LRRC37A: variants seen among roughly 807,000 people sequenced by gnomAD.
LRRC37A encodes the protein leucine rich repeat containing 37A.
LRRC37A carries 3 observed loss-of-function variants against 35.4 expected under a neutral mutation model. The observed-to-expected ratio is 0.08, with a 90% CI of 0.04 to 0.22. The LOEUF (loss-of-function observed/expected upper bound fraction) is 0.22. LRRC37A is among the 10% of genes least tolerant of loss of function. The probability of loss-of-function intolerance (pLI) is 1.00; values close to 1 mark genes in which losing one functional copy is unlikely to be tolerated. For missense variants in LRRC37A, 67 were observed against 565.3 expected (o/e 0.12, Z 8.94); for synonymous variants, 23 against 215.0 (o/e 0.11, Z 7.81).
the LRRC37A span, among the ~76,000 whole-genome samples, chr17:46,261,216 AAT>A: frequency 0.067 from 8,782 of 131,096 alleles, no homozygotes; most frequent in Middle Eastern, 0.12. Flanking sequence ...TGGAAATAAA[AAT>A]TTTTTTTTAG....
chr17:46,259,054 A>C, the LRRC37A span, among the ~76,000 whole-genome samples: 3 of 12,300 alleles, frequency 2.4e-4, no homozygotes, highest in Non-Finnish European at 6.7e-4. Context: ...TTTTTTTTTT[A>C]CTAACCAGGG....
the LRRC37A span, among the ~76,000 whole-genome samples, chr17:46,260,769 A>C: frequency 6.6e-6 from 1 of 152,028 alleles, no homozygotes; most frequent in African/African-American, 2.4e-5. Flanking sequence ...GATTACAGGC[A>C]TGCGCCACCA....
At chr17:46,282,981 T>A in the LRRC37A span, among the ~76,000 whole-genome samples, 1 of 152,016 alleles carries the variant, frequency 6.6e-6, no homozygotes, top group African/African-American at 2.4e-5. Flanking sequence ...TAGTCGGGTG[T>A]GATGGCACGT....
At chr17:46,313,891 ATT>A (rs1371856066) in intron 5 of LRRC37A, among the ~76,000 whole-genome samples, 2 of 69,880 alleles carry the variant, frequency 2.9e-5, no homozygotes, top group African/African-American at 7.3e-5. Context: ...TAAAAAATTG[ATT>A]TGTCTTTTTA....
the LRRC37A span, among the ~76,000 whole-genome samples, chr17:46,262,036 G>A: frequency 6.6e-6 from 1 of 152,132 alleles, no homozygotes; most frequent in South Asian, 2.1e-4. Flanking sequence ...TGTAAACTCC[G>A]TCTCCCGAGT....
the LRRC37A span, among the ~76,000 whole-genome samples, chr17:46,258,044 CTGTAGTTCCTTACTGAAT>C: frequency 6.6e-6 from 1 of 152,130 alleles, no homozygotes; most frequent in Non-Finnish European, 1.5e-5. Flanking sequence ...TGTTGGCAGG[CTGTAGTTCCTTACTGAAT>C]ATTGGTTGAA....
chr17:46,283,335 A>C, the LRRC37A span, among the ~76,000 whole-genome samples: 3 of 152,242 alleles, frequency 2.0e-5, no homozygotes, highest in African/African-American at 7.2e-5. Flanking sequence ...TAACACCATA[A>C]TAATCTGGTG....
At position 46,314,456 on chromosome 17, in the gene LRRC37A, C is replaced by T. The variant is rs531861532; in HGVS notation, c.2907-7866C>T. On this transcript the variant is annotated intron_variant, in intron 5 of 13. Transcript: ENST00000320254. ...ATTTTGCACATAGATGTTCAGGTGA[C>T]GCCATTGCACTCAAGCCTGGGCAAC... 1.1e-4 allele frequency among the ~76,000 whole-genome samples: 9 copies of T among 81,236 alleles called. 3 individuals are homozygous for T. Among genetic ancestry groups the T allele is most frequent in the Non-Finnish European group, 2.8e-4 (8 of 28,388 alleles). The allele number at this position is 81,236 out of a possible 152,430, so 53.3% of individuals were successfully genotyped here.
the LRRC37A span, among the ~76,000 whole-genome samples, chr17:46,250,823 G>GTCT: frequency 6.6e-6 from 1 of 152,212 alleles, no homozygotes; most frequent in African/African-American, 2.4e-5. Context: ...GAGCCCCAGA[G>GTCT]TCTTCTTCTT....
At chr17:46,277,951 T>G in the LRRC37A span, among the ~76,000 whole-genome samples, 1 of 112,084 alleles carries the variant, frequency 8.9e-6, no homozygotes, top group African/African-American at 2.6e-5. Flanking sequence ...CTGGGTAGAT[T>G]TTTTTTCTTT....
chr17:46,333,373 C>A (rs1259921455), intron 10 of LRRC37A, among the ~76,000 whole-genome samples: 2 of 47,716 alleles, frequency 4.2e-5, no homozygotes, highest in African/African-American at 7.0e-5. Context: ...CATCTGGCTA[C>A]TCTGGGACAA....
chr17:46,275,256 A>C, the LRRC37A span: 1 of 497,700 alleles, frequency 2.0e-6, no homozygotes, highest in Non-Finnish European at 3.3e-6. Context: ...GTTATGACCA[A>C]TAAAAACAAA....
the LRRC37A span, chr17:46,274,783 CT>C: frequency 5.4e-3 from 790 of 145,160 alleles, 3 homozygotes; most frequent in African/African-American, 0.012. Context: ...CTTTCTTTTT[CT>C]TTTTTTTTTT....
At chr17:46,276,384 TA>T in the LRRC37A span, among the ~76,000 whole-genome samples, 1 of 152,270 alleles carries the variant, frequency 6.6e-6, no homozygotes, top group Non-Finnish European at 1.5e-5. Flanking sequence ...TCGTTAACAT[TA>T]AAAAATTATA....
the LRRC37A span, among the ~76,000 whole-genome samples, chr17:46,262,784 TTG>T: frequency 6.9e-6 from 1 of 144,932 alleles, no homozygotes; most frequent in Non-Finnish European, 1.5e-5. Context: ...AAACTCGGTC[TTG>T]GAAAAAAAAA....
At chr17:46,263,240 A>C in the LRRC37A span, among the ~76,000 whole-genome samples, 1 of 152,026 alleles carries the variant, frequency 6.6e-6, no homozygotes, top group African/African-American at 2.4e-5. Flanking sequence ...ACAAACAAAT[A>C]AATAATTGTA....
the LRRC37A span, among the ~76,000 whole-genome samples, chr17:46,276,105 G>T: frequency 1.3e-5 from 2 of 152,220 alleles, no homozygotes; most frequent in African/African-American, 2.4e-5. Flanking sequence ...TGGCCAGGCT[G>T]GTCGCAAACT....
the LRRC37A span, among the ~76,000 whole-genome samples, chr17:46,253,179 C>T: frequency 6.7e-6 from 1 of 148,746 alleles, no homozygotes; most frequent in African/African-American, 2.4e-5. Flanking sequence ...GCGCTCCTCA[C>T]ATCCCAGACG....
chr17:46,286,189 A>G, the LRRC37A span, among the ~76,000 whole-genome samples: 65 of 152,248 alleles, frequency 4.3e-4, no homozygotes, highest in Admixed American at 7.2e-4. Flanking sequence ...CCTGGGATAT[A>G]AAATAGTTTT....
Sources: gnomAD v4.1 joint callset for allele counts (sites outside exome capture counted in the v4.1 genomes callset) on GRCh38, gnomAD v4.1.1 for gene constraint, MANE v1.5 for transcripts, NCBI Gene and HGNC (gene_info 2026-07-23, HGNC 2026-07-21) for gene names.